The following NSG1 variants were observed in gnomAD, a reference collection of about 807,000 sequenced individuals.
The protein encoded by NSG1 is neuronal vesicle trafficking-associated protein 1.
Under a neutral mutation model 19.3 loss-of-function variants are expected in NSG1, and 9 were observed. The observed-to-expected ratio is 0.47, with a 90% CI of 0.28 to 0.81. The LOEUF is 0.81. NSG1 is among the 40% of genes least tolerant of loss of function. The probability of loss-of-function intolerance (pLI) is 0.11; values close to 1 mark genes in which losing one functional copy is unlikely to be tolerated. For synonymous variants in NSG1, 104 were observed against 107.0 expected, an observed-to-expected ratio of 0.97 and a Z score of 0.17; for missense variants, 236 against 242.4, an observed-to-expected ratio of 0.97 and a Z score of 0.18.
At chr4:4,410,421 C>G (rs1724112272) in intron 4 of NSG1, among the ~76,000 whole-genome samples, 1 of 152,214 alleles carries the variant, frequency 6.6e-6, no homozygotes, top group African/African-American at 2.4e-5. Context: ...TTAGGCGACT[C>G]CATCATTGTG....
chr4:4,415,463 G>A (rs992398962), intron 4 of NSG1, among the ~76,000 whole-genome samples: 4 of 152,098 alleles, frequency 2.6e-5, no homozygotes, highest in South Asian at 2.1e-4. Flanking sequence ...TATGGGGGGC[G>A]GCAGGAGCCT....
Position 4,391,549 on chromosome 4 carries a change from G to C in NSG1, c.204G>C (p.Glu68Asp). 1.2e-6 allele frequency: 2 copies of C among 1,613,798 alleles called. No homozygotes were observed. The highest frequency in any genetic ancestry group is 2.2e-5 in the South Asian group (2 of 91,050). ...KGKARPPQIAEFTVSITEGVT... is the reference protein window; with the variant it reads ...KGKARPPQIADFTVSITEGVT... ...AAGCACGTCCTCCCCAAATTGCTGA[G>C]TTCACCGTCAGCATCACGGAGGGTG... The change falls in exon 3 of 5, where the codon GAG becomes GAC. Residue 68 changes from glutamate (E) to aspartate (D), a missense_variant. Transcript: ENST00000621129.
intron 3 of NSG1, among the ~76,000 whole-genome samples, chr4:4,407,400 C>T (rs1055455396): frequency 6.6e-6 from 1 of 151,700 alleles, no homozygotes; most frequent in Non-Finnish European, 1.5e-5. Flanking sequence ...GATGGGAGGG[C>T]GGGCGGTGGG....
At chr4:4,402,882 A>G (rs1178044749) in intron 3 of NSG1, among the ~76,000 whole-genome samples, 1 of 152,218 alleles carries the variant, frequency 6.6e-6, no homozygotes, top group African/African-American at 2.4e-5. Context: ...GACACTGTCT[A>G]TCAACCCACG....
intron 2 of NSG1, among the ~76,000 whole-genome samples, 142 bp from the exon 3 acceptor site, chr4:4,391,320 ACAGAGGAGATTTC>A (rs1177377310): frequency 6.6e-6 from 1 of 152,228 alleles, no homozygotes; most frequent in Non-Finnish European, 1.5e-5. Flanking sequence ...AAGTCCTGCC[ACAGAGGAGATTTC>A]CAAAAAGTAG....
chr4:4,394,301 G>A (rs13150417), intron 3 of NSG1, among the ~76,000 whole-genome samples: 78,434 of 151,918 alleles, frequency 0.52, 22,138 homozygotes, highest in East Asian at 0.65. Context: ...CAGAATGTGC[G>A]GCGCCCTCCT....
intron 2 of NSG1, 119 bp from the exon 3 acceptor site, chr4:4,391,356 T>C: frequency 5.9e-6 from 4 of 673,094 alleles, no homozygotes. Context: ...GCTGTTCTCG[T>C]TCTTGTGAAT....
In NSG1 at chr4:4,417,570, G is replaced by A; in HGVS notation, c.*135G>A. 1 of 894,024 alleles carries A rather than the reference G, an allele frequency of 1.1e-6. No homozygotes were observed. The highest frequency in any genetic ancestry group is 1.7e-6 in the Non-Finnish European group (1 of 593,728). The allele number at this position is 894,024 out of a possible 1,614,324, so 55.4% of individuals were successfully genotyped here. A position where few individuals can be genotyped will look rare whatever the true frequency, so the allele number is the denominator to read the frequency against. On this transcript the variant is annotated 3_prime_UTR_variant, in exon 5 of 5. Coordinates refer to ENST00000621129, the MANE Select transcript of NSG1 (RefSeq NM_014392.5). ...GCAATTGCTTCTGTTTGCTAATGCT[G>A]CTTTGCAAATAAAACTTGCTGCCGA...
chr4:4,388,777 C>T (rs1722861872), intron 2 of NSG1, among the ~76,000 whole-genome samples: 1 of 152,214 alleles, frequency 6.6e-6, no homozygotes, highest in Non-Finnish European at 1.5e-5. Context: ...GCCCTGACCC[C>T]TGTGAAGGTG....
At chr4:4,409,290 T>C (rs1724038302) in intron 3 of NSG1, among the ~76,000 whole-genome samples, 1 of 152,264 alleles carries the variant, frequency 6.6e-6, no homozygotes. Flanking sequence ...GTGGGGCTTC[T>C]TCATATCTGT....
chr4:4,391,355 G>C, intron 2 of NSG1, 120 bp from the exon 3 acceptor site: 8 of 672,988 alleles, frequency 1.2e-5, no homozygotes, highest in Non-Finnish European at 2.1e-5. Context: ...GGCTGTTCTC[G>C]TTCTTGTGAA....
chr4:4,388,174 C>T (rs1722833844), intron 2 of NSG1, among the ~76,000 whole-genome samples: 1 of 151,200 alleles, frequency 6.6e-6, no homozygotes, highest in Admixed American at 6.6e-5. Context: ...CCGACTTGCC[C>T]CACCGAGGCG....
At chr4:4,409,824 T>G in intron 4 of NSG1, 141 bp downstream of exon 4, 1 of 686,064 alleles carries the variant, frequency 1.5e-6, no homozygotes, top group Non-Finnish European at 2.6e-6. Flanking sequence ...GTGTCAGGAG[T>G]GTCCCTGTGG....
At chr4:4,396,080 G>C (rs1723233802) in intron 3 of NSG1, among the ~76,000 whole-genome samples, 2 of 152,346 alleles carry the variant, frequency 1.3e-5, no homozygotes, top group Admixed American at 1.3e-4. Flanking sequence ...TTCCAAAGAG[G>C]TTCTTGTCAA....
chr4:4,412,318 C>T (rs958595549), intron 4 of NSG1, among the ~76,000 whole-genome samples: 7 of 151,510 alleles, frequency 4.6e-5, no homozygotes, highest in African/African-American at 1.7e-4. Context: ...GTCCTGTGTC[C>T]GGCTGCAGAT....
At chr4:4,417,020 T>G (rs1298794474) in intron 4 of NSG1, among the ~76,000 whole-genome samples, 1 of 152,186 alleles carries the variant, frequency 6.6e-6, no homozygotes, top group Admixed American at 6.5e-5. Flanking sequence ...CCATCTGCCA[T>G]GGCACTCACC....
chr4:4,416,143 C>A (rs571185906), intron 4 of NSG1: 11 of 702,196 alleles, frequency 1.6e-5, no homozygotes, highest in Admixed American at 1.0e-4. Flanking sequence ...ACTCATTGGC[C>A]GCATTTTATA....
intron 3 of NSG1, among the ~76,000 whole-genome samples, chr4:4,395,349 C>G (rs935764853): frequency 6.6e-6 from 1 of 152,168 alleles, no homozygotes; most frequent in Non-Finnish European, 1.5e-5. Context: ...CGAGCCTTTC[C>G]GATGGGGGTG....
intron 4 of NSG1, chr4:4,416,093 A>C (rs1724516636): frequency 4.3e-6 from 3 of 702,172 alleles, no homozygotes; most frequent in Non-Finnish European, 7.8e-6. Context: ...TACTTGAGCC[A>C]CTGTGCATTG....
Sources: gnomAD v4.1 joint callset for allele counts (sites outside exome capture counted in the v4.1 genomes callset) on GRCh38, gnomAD v4.1.1 for gene constraint, MANE v1.5 for transcripts, NCBI Gene and HGNC (gene_info 2026-07-23, HGNC 2026-07-21) for gene names.